FOCAD: variants seen among roughly 807,000 people sequenced by gnomAD.
The protein encoded by FOCAD is KIAA1797.
FOCAD carries 198 observed loss-of-function variants against 225.6 expected under a neutral mutation model. That is an observed-to-expected ratio of 0.88 (90% CI 0.78 to 0.99). FOCAD has a LOEUF of 0.99. Among genes scored for constraint, FOCAD ranks in the 50% least tolerant of loss-of-function variants. The pLI is 0.00. For synonymous variants in FOCAD, 897 were observed against 755.0 expected (o/e 1.19, Z -3.08); for missense variants, 2,713 against 2,123.6 (o/e 1.28, Z -5.46).
intron 11 of FOCAD, among the ~76,000 whole-genome samples, chr9:20,803,667 G>C (rs1321974585): frequency 6.6e-6 from 1 of 152,094 alleles, no homozygotes; most frequent in African/African-American, 2.4e-5. Flanking sequence ...GTTGTGGTCT[G>C]TTCTGTTAGA....
chr9:20,807,564 T>A (rs1368702565), intron 11 of FOCAD, among the ~76,000 whole-genome samples: 1 of 152,242 alleles, frequency 6.6e-6, no homozygotes, highest in African/African-American at 2.4e-5. Context: ...CTGAAGTATG[T>A]TATATATATG....
intron 10 of FOCAD, chr9:20,786,941 G>T (rs1384169102): frequency 4.5e-6 from 2 of 447,464 alleles, no homozygotes; most frequent in Admixed American, 4.4e-5. Flanking sequence ...CATTTTCACA[G>T]GTCCTCCCTC....
intron 27 of FOCAD, among the ~76,000 whole-genome samples, chr9:20,930,165 T>C (rs373281693): frequency 7.6e-4 from 105 of 138,062 alleles, no homozygotes; most frequent in African/African-American, 2.7e-3. Context: ...TTGTTCACTT[T>C]GATTGCTCAT....
Position 20,978,381 on chromosome 9 carries a change from A to C in FOCAD, c.4304A>C (p.Gln1435Pro). 1 of 1,611,958 alleles carries C rather than the reference A, an allele frequency of 6.2e-7. No homozygotes were observed. The change falls in exon 37 of 44, where the codon CAG becomes CCG. Residue 1435 changes from glutamine to proline, a missense_variant. Physicochemically the swap from Gln to Pro is moderately conservative, Grantham distance 76. Coordinates refer to ENST00000338382, the MANE Select transcript of FOCAD (RefSeq NM_001375567.1). ...CTGTGCCTTGAAATTATGGTGACCC[A>C]GGCACAGTCATCCCAGAATGCAGCT... ...QQLCLEIMVT[Q>P]AQSSQNAAAL...
chr9:20,742,032 A>C (rs1007337789), intron 5 of FOCAD, among the ~76,000 whole-genome samples: 2 of 152,152 alleles, frequency 1.3e-5, no homozygotes, highest in African/African-American at 4.8e-5. Flanking sequence ...TCCATTCACA[A>C]AGTTATGCCA....
intron 8 of FOCAD, among the ~76,000 whole-genome samples, chr9:20,775,241 A>G (rs1204802281): frequency 6.6e-6 from 1 of 152,224 alleles, no homozygotes; most frequent in Non-Finnish European, 1.5e-5. Flanking sequence ...TAGAATAATC[A>G]TAACTTAAGG....
chr9:20,851,308 G>A (rs555578671), intron 15 of FOCAD, among the ~76,000 whole-genome samples: 216 of 151,582 alleles, frequency 1.4e-3, no homozygotes, highest in Admixed American at 4.9e-3. Flanking sequence ...TAAAGAAAGG[G>A]ATTAGAAAAT....
intron 43 of FOCAD, 96 bp from the exon 44 acceptor site, chr9:20,995,460 A>G (rs1841990109): frequency 2.1e-6 from 2 of 953,362 alleles, no homozygotes; most frequent in African/African-American, 3.3e-5. Context: ...AGTCTTGAAC[A>G]TTAGCCAAGT....
chr9:20,994,103 C>A (rs981301470), intron 43 of FOCAD, among the ~76,000 whole-genome samples: 1 of 152,134 alleles, frequency 6.6e-6, no homozygotes, highest in Non-Finnish European at 1.5e-5. Flanking sequence ...AACATCTAAA[C>A]CTGTTCTTAC....
Position 20,890,722 on chromosome 9 carries a change from G to A in FOCAD, c.2625+5492G>A, listed in dbSNP as rs558017554. Among the ~76,000 whole-genome samples the A allele has an allele frequency of 2.1e-4, 32 of 152,026 alleles. No individual in the cohort carries two copies. In the South Asian group the frequency reaches 4.4e-3, roughly 21 times the overall value. ...AGAGTTCCCCTCTTTTTTATTTCCCGAAATAGTTTGTATAGAATTGTTATT... is the reference window on the plus strand; with the variant it reads ...AGAGTTCCCCTCTTTTTTATTTCCCAAAATAGTTTGTATAGAATTGTTATT... On this transcript the variant is annotated intron_variant, in intron 21 of 43. Coordinates refer to ENST00000338382, the MANE Select transcript of FOCAD (RefSeq NM_001375567.1).
At chr9:20,910,500 T>A (rs1213148045) in intron 22 of FOCAD, among the ~76,000 whole-genome samples, 1 of 152,082 alleles carries the variant, frequency 6.6e-6, no homozygotes, top group African/African-American at 2.4e-5. Flanking sequence ...TGTGTATCTT[T>A]GTTTTGTTTT....
upstream of FOCAD, among the ~76,000 whole-genome samples, chr9:20,679,668 C>G (rs190189264): frequency 6.6e-6 from 1 of 152,226 alleles, no homozygotes; most frequent in East Asian, 1.9e-4. Context: ...TAGAGAACTG[C>G]TTAACTACTT....
chr9:20,741,742 C>T (rs1007390021), intron 5 of FOCAD, among the ~76,000 whole-genome samples: 2 of 117,406 alleles, frequency 1.7e-5, no homozygotes, highest in Non-Finnish European at 1.7e-5. Context: ...ATTCTTTATC[C>T]ATTGCCTTGG....
chr9:20,776,698 C>G (rs1440344627), intron 8 of FOCAD, among the ~76,000 whole-genome samples: 16 of 152,156 alleles, frequency 1.1e-4, no homozygotes, highest in Admixed American at 1.0e-3. Context: ...TTTCAGAACT[C>G]TAAAAAGCTA....
At chr9:20,973,070 G>GCC (rs1839903052) in intron 35 of FOCAD, among the ~76,000 whole-genome samples, 1 of 151,166 alleles carries the variant, frequency 6.6e-6, no homozygotes, top group Non-Finnish European at 1.5e-5. Flanking sequence ...TCTTTCTGCA[G>GCC]CTATTTTACC....
At chr9:20,685,488 C>T (rs1399236913) in intron 1 of FOCAD, among the ~76,000 whole-genome samples, 3 of 152,290 alleles carry the variant, frequency 2.0e-5, no homozygotes, top group Middle Eastern at 3.4e-3. Flanking sequence ...TTTTTGACTA[C>T]CAAGCAAGTG....
chr9:20,696,673 C>T (rs1439656582), intron 1 of FOCAD, among the ~76,000 whole-genome samples: 2 of 152,196 alleles, frequency 1.3e-5, no homozygotes, highest in Admixed American at 6.5e-5. Flanking sequence ...GGCATGGTGG[C>T]GCAAGCCTGT....
chr9:20,698,596 C>T (rs559865096), intron 1 of FOCAD, among the ~76,000 whole-genome samples: 2 of 152,014 alleles, frequency 1.3e-5, no homozygotes, highest in Non-Finnish European at 2.9e-5. Context: ...GATGAGGTCT[C>T]ACTATGTTGC....
intron 15 of FOCAD, among the ~76,000 whole-genome samples, chr9:20,826,174 T>C (rs1824869112): frequency 6.6e-6 from 1 of 152,096 alleles, no homozygotes; most frequent in African/African-American, 2.4e-5. Context: ...TCTGAGGGTT[T>C]TGCCAAAAGA....
Sources: gnomAD v4.1 joint callset for allele counts (sites outside exome capture counted in the v4.1 genomes callset) on GRCh38, gnomAD v4.1.1 for gene constraint, MANE v1.5 for transcripts, NCBI Gene and HGNC (gene_info 2026-07-23, HGNC 2026-07-21) for gene names.